PCDH9: variants seen among roughly 807,000 people sequenced by gnomAD.
PCDH9 encodes the protein protocadherin-9.
Under a neutral mutation model 70.6 loss-of-function variants are expected in PCDH9, and 24 were observed. The observed-to-expected ratio is 0.34, with a 90% CI of 0.25 to 0.48. The LOEUF is 0.48. Ranked by LOEUF, PCDH9 falls within the 20% of genes least tolerant of loss-of-function variation. PCDH9 has a pLI of 0.99. For missense variants in PCDH9, 1,281 were observed against 1,503.6 expected, an observed-to-expected ratio of 0.85 and a Z score of 2.45; for synonymous variants, 562 against 558.5, an observed-to-expected ratio of 1.01 and a Z score of -0.09.
At chr13:66,654,794 G>C (rs1379008339) in intron 3 of PCDH9, among the ~76,000 whole-genome samples, 1 of 152,128 alleles carries the variant, frequency 6.6e-6, no homozygotes, top group Non-Finnish European at 1.5e-5. Flanking sequence ...TGCAGCCTTT[G>C]ACCTCTTGAG....
At chr13:66,427,397 A>G (rs1372920359) in intron 4 of PCDH9, among the ~76,000 whole-genome samples, 1 of 151,730 alleles carries the variant, frequency 6.6e-6, no homozygotes, top group African/African-American at 2.4e-5. Context: ...GTTTGCGTTT[A>G]TTCTTGCATA....
At chr13:66,933,990 AAATT>A (rs1352356103) in intron 2 of PCDH9, among the ~76,000 whole-genome samples, 3 of 152,060 alleles carry the variant, frequency 2.0e-5, no homozygotes, top group African/African-American at 7.2e-5. Context: ...ATGCTGAACA[AAATT>A]AATCAATTTT....
At chr13:66,530,212 C>T (rs1960391948) in intron 4 of PCDH9, among the ~76,000 whole-genome samples, 1 of 151,994 alleles carries the variant, frequency 6.6e-6, no homozygotes, top group African/African-American at 2.4e-5. Context: ...CTTTTGTCTA[C>T]AGAAAGAAAT....
Position 66,338,580 on chromosome 13 carries a change from C to A in PCDH9, c.3341-33552G>T, listed in dbSNP as rs192622720. On this transcript the variant is annotated intron_variant, in intron 4 of 4. Coordinates refer to ENST00000377865, the MANE Select transcript of PCDH9 (RefSeq NM_203487.3). ...GAATATCTATTTTTAAGACATTACACTCAATGGCAGATGAACCCTTTCTCT... is the reference window on the plus strand; with the variant it reads ...GAATATCTATTTTTAAGACATTACAATCAATGGCAGATGAACCCTTTCTCT... Among the ~76,000 whole-genome samples the A allele has an allele frequency of 1.3e-3, 196 of 151,840 alleles. 1 individual carries two copies. Among genetic ancestry groups the A allele is most frequent in the African/African-American group, 4.6e-3 (190 of 41,430 alleles).
At chr13:66,924,635 CTT>C (rs34844007) in intron 2 of PCDH9, among the ~76,000 whole-genome samples, 25,350 of 151,612 alleles carry the variant, frequency 0.17, 2,494 homozygotes, top group East Asian at 0.35. Context: ...TATAATCAGT[CTT>C]ATACATATTT....
At chr13:66,511,093 T>A (rs1427183025) in intron 4 of PCDH9, among the ~76,000 whole-genome samples, 1 of 152,194 alleles carries the variant, frequency 6.6e-6, no homozygotes, top group Non-Finnish European at 1.5e-5. Flanking sequence ...CTTTGAATGT[T>A]CCAGTGCCTC....
Position 66,322,054 on chromosome 13 carries a change from G to GA in PCDH9, c.3341-17027_3341-17026insT, listed in dbSNP as rs143155680. 5.6e-4 allele frequency among the ~76,000 whole-genome samples: 44 copies of GA among 78,488 alleles called. 1 individual carries two copies. The highest frequency in any genetic ancestry group is 2.3e-3 in the African/African-American group (38 of 16,396). 51.5% of individuals were successfully genotyped at this position (78,488 alleles called of 152,430 possible). ...CCATACATTGTATATTTGGATGCAT[G>GA]GGGGGGGTGTGATTATTATCATTAT... On this transcript the variant is annotated intron_variant, in intron 4 of 4. Coordinates refer to ENST00000377865, the MANE Select transcript of PCDH9 (RefSeq NM_203487.3).
At chr13:66,306,425 T>C (rs1955466958) in intron 4 of PCDH9, 2 of 150,790 alleles carry the variant, frequency 1.3e-5, no homozygotes, top group African/African-American at 2.4e-5. Flanking sequence ...AATGTAGTTT[T>C]CCTGGGTACA....
rs1186383899 is a variant in PCDH9, at chr13:66,791,027, G to T, written c.3138+112477C>A. Among the ~76,000 whole-genome samples the T allele has an allele frequency of 4.6e-5, 7 of 152,148 alleles. No homozygotes were observed. In the East Asian group the frequency reaches 7.7e-4, roughly 17 times the overall value. ...TTACCATTACTATGCAAATTCTCTA[G>T]CTCTAAGCCTTTAGTGAAGCAGAAG... On this transcript the variant is annotated intron_variant, in intron 3 of 4. Transcript: ENST00000377865.
intron 3 of PCDH9, among the ~76,000 whole-genome samples, chr13:66,673,132 T>C (rs1325181422): frequency 6.6e-6 from 1 of 152,140 alleles, no homozygotes; most frequent in Non-Finnish European, 1.5e-5. Flanking sequence ...TCATCTTGAA[T>C]TGTAGCTCTC....
chr13:67,140,911 G>A (rs2087368250), intron 2 of PCDH9, among the ~76,000 whole-genome samples: 1 of 152,012 alleles, frequency 6.6e-6, no homozygotes, highest in South Asian at 2.1e-4. Context: ...TCTTTCCTCG[G>A]TCAGTTTTAT....
chr13:66,432,596 A>G, intron 4 of PCDH9, among the ~76,000 whole-genome samples: 1 of 151,988 alleles, frequency 6.6e-6, no homozygotes, highest in East Asian at 1.9e-4. Context: ...TAGCAGAAAG[A>G]AAAACACAGA....
At chr13:66,488,458 A>G (rs1257902987) in intron 4 of PCDH9, among the ~76,000 whole-genome samples, 1 of 152,168 alleles carries the variant, frequency 6.6e-6, no homozygotes. Flanking sequence ...AAACCAAACA[A>G]CATATTATTT....
intron 4 of PCDH9, among the ~76,000 whole-genome samples, chr13:66,531,562 T>C (rs1464833016): frequency 6.6e-6 from 1 of 152,066 alleles, no homozygotes; most frequent in Non-Finnish European, 1.5e-5. Context: ...CTATTAAGAA[T>C]CTAAACTAAA....
At chr13:66,309,678 T>C (rs1955528984) in intron 4 of PCDH9, among the ~76,000 whole-genome samples, 1 of 151,906 alleles carries the variant, frequency 6.6e-6, no homozygotes, top group South Asian at 2.1e-4. Flanking sequence ...TAGGTAATTA[T>C]ATTAATTGAT....
chr13:67,004,140 C>CTT (rs71802070), intron 2 of PCDH9, among the ~76,000 whole-genome samples: 1 of 148,496 alleles, frequency 6.7e-6, no homozygotes, highest in Non-Finnish European at 1.5e-5. Context: ...TAAAAATTAA[C>CTT]TTTTTTTTTT....
At chr13:66,718,481 C>T (rs1192703145) in intron 3 of PCDH9, among the ~76,000 whole-genome samples, 5 of 151,606 alleles carry the variant, frequency 3.3e-5, no homozygotes, top group Non-Finnish European at 7.4e-5. Context: ...TGCCATGCTG[C>T]TGAAAAAAAA....
Position 67,084,406 on chromosome 13 carries a change from A to G in PCDH9, c.3036+140999T>C, listed in dbSNP as rs1409185085. Among the ~76,000 whole-genome samples the G allele has an allele frequency of 2.6e-5, 4 of 152,238 alleles. No homozygotes were observed. The South Asian group carries it at 8.3e-4, about 32-fold the overall frequency. ...TGTTAAATAAAGCTTTTCTTCCTTA[A>G]CCAACTGCAAATCAGAAACTCTTTG... On this transcript the variant is annotated intron_variant, in intron 2 of 4. Transcript: ENST00000377865.
intron 2 of PCDH9, among the ~76,000 whole-genome samples, chr13:66,914,045 A>C (rs552605772): frequency 5.9e-5 from 9 of 152,106 alleles, no homozygotes; most frequent in East Asian, 5.8e-4. Context: ...GAAACTAATT[A>C]CAGTGATGTT....
Sources: allele counts gnomAD v4.1 joint callset (sites outside exome capture counted in the v4.1 genomes callset), GRCh38; gene constraint gnomAD v4.1.1; transcripts MANE v1.5; gene names NCBI Gene and HGNC (gene_info 2026-07-23, HGNC 2026-07-21).